The following DOCK9 variants were observed in gnomAD, a reference collection of about 807,000 sequenced individuals.
DOCK9 encodes the protein dedicator of cytokinesis protein 9.
DOCK9 carries 89 observed loss-of-function variants against 263.3 expected under a neutral mutation model. The ratio of observed to expected loss-of-function variants is 0.34; its 90% CI spans 0.28 to 0.40. The LOEUF is 0.40. Among genes scored for constraint, DOCK9 ranks in the 10% least tolerant of loss-of-function variants. The probability of loss-of-function intolerance (pLI) is 1.00; values close to 1 mark genes in which losing one functional copy is unlikely to be tolerated. For missense variants in DOCK9, 2,140 were observed against 2,603.4 expected, an observed-to-expected ratio of 0.82 and a Z score of 3.87; for synonymous variants, 976 against 973.1, an observed-to-expected ratio of 1.00 and a Z score of -0.06.
At chr13:98,805,868 C>G (rs547637060) in intron 48 of DOCK9, among the ~76,000 whole-genome samples, 1 of 152,144 alleles carries the variant, frequency 6.6e-6, no homozygotes, top group Non-Finnish European at 1.5e-5. Context: ...TCAAGTGATT[C>G]TCCTGCCTCA....
At chr13:98,879,071 C>T (rs2044318027) in intron 27 of DOCK9, among the ~76,000 whole-genome samples, 1 of 152,222 alleles carries the variant, frequency 6.6e-6, no homozygotes. Flanking sequence ...AACTCCAGGA[C>T]TCTGCAGGTC....
At chr13:98,816,015 G>A (rs2091810752) in intron 45 of DOCK9, among the ~76,000 whole-genome samples, 1 of 152,144 alleles carries the variant, frequency 6.6e-6, no homozygotes, top group Non-Finnish European at 1.5e-5. Context: ...TTACAACTAT[G>A]TGTCCTCACC....
At chr13:98,938,110 G>A (rs921604586) in intron 2 of DOCK9, among the ~76,000 whole-genome samples, 6 of 152,186 alleles carry the variant, frequency 3.9e-5, no homozygotes, top group Admixed American at 3.9e-4. Context: ...CCCCAACCTG[G>A]CCGGGGCTCT....
At chr13:98,938,782 T>C (rs2055326367) in intron 2 of DOCK9, among the ~76,000 whole-genome samples, 1 of 152,198 alleles carries the variant, frequency 6.6e-6, no homozygotes, top group Non-Finnish European at 1.5e-5. Context: ...TGGTGGGAAG[T>C]ATGCAAATCC....
intron 1 of DOCK9, among the ~76,000 whole-genome samples, chr13:99,036,827 T>A (rs1374351683): frequency 6.6e-6 from 1 of 152,182 alleles, no homozygotes; most frequent in South Asian, 2.1e-4. Flanking sequence ...TGTGATCCAC[T>A]GTGCCCGGCC....
chr13:98,991,752 C>T (rs1879860426), intron 1 of DOCK9, among the ~76,000 whole-genome samples: 1 of 151,750 alleles, frequency 6.6e-6, no homozygotes, highest in African/African-American at 2.4e-5. Flanking sequence ...ATCCCCAATC[C>T]TGTCTCTTCT....
In DOCK9 at chr13:98,945,274, C is replaced by T. The variant is rs79024866; in HGVS notation, c.243+10161G>A. 6.8e-3 allele frequency among the ~76,000 whole-genome samples: 1,030 copies of T among 152,258 alleles called. 12 individuals carry two copies. Among genetic ancestry groups the T allele is most frequent in the South Asian group, 0.045 (217 of 4,824 alleles). On this transcript the variant is annotated intron_variant, in intron 2 of 52. Coordinates refer to ENST00000682017, the MANE Select transcript of DOCK9 (RefSeq NM_001366683.2). Reference sequence around the variant, plus strand: ...GGTAAGTGGGCTGAATGTACATCTACGATTTTCTGAATTTCTTCCAAATGA... The same window carrying T: ...GGTAAGTGGGCTGAATGTACATCTATGATTTTCTGAATTTCTTCCAAATGA...
chr13:98,848,764 T>C, intron 36 of DOCK9, 125 bp from the exon 37 acceptor site: 1 of 1,005,396 alleles, frequency 9.9e-7, no homozygotes, highest in Non-Finnish European at 1.5e-6. Flanking sequence ...AGTCACATCC[T>C]CATTCATTCA....
intron 27 of DOCK9, among the ~76,000 whole-genome samples, chr13:98,870,452 C>A (rs1321054743): frequency 6.6e-6 from 1 of 152,160 alleles, no homozygotes; most frequent in Non-Finnish European, 1.5e-5. Flanking sequence ...AGACCGCAGG[C>A]AAGGCCAACT....
chr13:98,926,497 T>G (rs891868860), intron 3 of DOCK9, among the ~76,000 whole-genome samples: 2 of 152,200 alleles, frequency 1.3e-5, no homozygotes, highest in Non-Finnish European at 2.9e-5. Context: ...TTTAATGTAG[T>G]CTTCCACTGC....
intron 39 of DOCK9, among the ~76,000 whole-genome samples, chr13:98,833,873 C>G (rs1008326143): frequency 1.3e-5 from 2 of 152,190 alleles, no homozygotes; most frequent in Non-Finnish European, 2.9e-5. Flanking sequence ...TTTGAACATT[C>G]AGAAAGCCTC....
intron 33 of DOCK9, chr13:98,859,056 G>A (rs1359662987): frequency 6.6e-6 from 1 of 152,254 alleles, no homozygotes; most frequent in Non-Finnish European, 1.5e-5. Flanking sequence ...ACAACATCCT[G>A]CCATGGTAAC....
intron 1 of DOCK9, among the ~76,000 whole-genome samples, chr13:99,063,076 AG>A (rs1239705437): frequency 6.6e-6 from 1 of 152,260 alleles, no homozygotes; most frequent in Non-Finnish European, 1.5e-5. Flanking sequence ...CAAGAGGTCC[AG>A]GAAAGCCAGC....
chr13:98,958,926 T>C (rs894275845), intron 1 of DOCK9, among the ~76,000 whole-genome samples: 2 of 152,232 alleles, frequency 1.3e-5, no homozygotes, highest in African/African-American at 4.8e-5. Flanking sequence ...ATACTTTAAT[T>C]AGATGAATTT....
At position 98,897,619 on chromosome 13, in the gene DOCK9, G is replaced by A; in HGVS notation, c.1587-9C>T. ...CATCCTTAAACAATGTCCTGAAATG[G>A]CAAAGCAACATTTCTAAACTGGGTT... On this transcript the variant is annotated splice_polypyrimidine_tract_variant and intron_variant, in intron 14 of 52. Coordinates refer to ENST00000682017, the MANE Select transcript of DOCK9 (RefSeq NM_001366683.2). 1 of 1,611,538 alleles carries A rather than the reference G, an allele frequency of 6.2e-7. No homozygotes were observed. Among genetic ancestry groups the A allele is most frequent in the Non-Finnish European group, 8.5e-7 (1 of 1,179,036 alleles).
rs958254047 is a variant in DOCK9, at chr13:98,793,552, T to C, written c.*1074A>G. The C allele has an allele frequency of 6.6e-6, 1 of 152,634 alleles. No individual in the cohort carries two copies. The highest frequency in any genetic ancestry group is 2.4e-5 in the African/African-American group (1 of 41,458). The allele number at this position is 152,634 out of a possible 1,614,324, so 9.5% of individuals were successfully genotyped here. The stretch of plus-strand genomic sequence containing the variant: ...ATGTTTAATTACAGCAGGGCAGTGA[T>C]TCCAGTTAAATAAAATTAAAAACCT... On this transcript the variant is annotated 3_prime_UTR_variant, in exon 53 of 53. Transcript: ENST00000682017.
intron 14 of DOCK9, 30 bp downstream of exon 14, chr13:98,898,149 G>C: frequency 6.5e-7 from 1 of 1,533,228 alleles, no homozygotes; most frequent in Non-Finnish European, 9.0e-7. Context: ...TATCTATATC[G>C]ATTTAAAAGG....
intron 1 of DOCK9, among the ~76,000 whole-genome samples, chr13:99,043,144 T>C (rs921322727): frequency 1.3e-5 from 2 of 152,150 alleles, no homozygotes; most frequent in African/African-American, 4.8e-5. Flanking sequence ...CCCACCGCCA[T>C]CCAATAAAGC....
intron 2 of DOCK9, among the ~76,000 whole-genome samples, chr13:98,951,016 G>T (rs953482361): frequency 6.6e-6 from 1 of 152,160 alleles, no homozygotes; most frequent in African/African-American, 2.4e-5. Context: ...TGTCTTAAGC[G>T]ACAAGTCAAC....
Sources: gnomAD v4.1 joint callset for allele counts (sites outside exome capture counted in the v4.1 genomes callset) on GRCh38, gnomAD v4.1.1 for gene constraint, MANE v1.5 for transcripts, NCBI Gene and HGNC (gene_info 2026-07-23, HGNC 2026-07-21) for gene names.